Variants in EFNA5 observed in about 807,000 individuals in gnomAD.
EFNA5 encodes ephrin-A5.
Under a neutral mutation model 22.9 loss-of-function variants are expected in EFNA5, and 5 were observed. That is an observed-to-expected ratio of 0.22 (90% CI 0.11 to 0.46). EFNA5 has a LOEUF of 0.46. Among genes scored for constraint, EFNA5 ranks in the 20% least tolerant of loss-of-function variants. The pLI, the probability that EFNA5 is intolerant of heterozygous loss-of-function variation, is 0.99. For missense variants in EFNA5, 237 were observed against 293.3 expected (o/e 0.81, Z 1.40); for synonymous variants, 113 against 112.2 (o/e 1.01, Z -0.04).
chr5:107,453,569 G>C (rs1162044599), intron 1 of EFNA5, among the ~76,000 whole-genome samples: 1 of 152,160 alleles, frequency 6.6e-6, no homozygotes, highest in Admixed American at 6.6e-5. Context: ...CCTATTTATA[G>C]GTAATTGATT....
At chr5:107,654,599 A>G (rs1170293315) in intron 1 of EFNA5, among the ~76,000 whole-genome samples, 1 of 152,142 alleles carries the variant, frequency 6.6e-6, no homozygotes, top group Non-Finnish European at 1.5e-5. Context: ...ATAAGAACAG[A>G]GCCAAATGAT....
chr5:107,637,831 GTTTATT>G (rs1310157440), intron 1 of EFNA5, among the ~76,000 whole-genome samples: 3 of 140,014 alleles, frequency 2.1e-5, no homozygotes, highest in African/African-American at 5.0e-5. Flanking sequence ...TAAGCTAACA[GTTTATT>G]TTTATTTATT....
intron 1 of EFNA5, among the ~76,000 whole-genome samples, chr5:107,429,560 T>C (rs1748894491): frequency 6.6e-6 from 1 of 152,220 alleles, no homozygotes; most frequent in African/African-American, 2.4e-5. Context: ...ACACCATTCA[T>C]TTTGACTAAG....
At chr5:107,559,527 A>G (rs1040586531) in intron 1 of EFNA5, among the ~76,000 whole-genome samples, 2 of 152,200 alleles carry the variant, frequency 1.3e-5, no homozygotes, top group Non-Finnish European at 2.9e-5. Flanking sequence ...TCTCCACAAT[A>G]TAATTCATAA....
At chr5:107,446,649 G>A (rs1175782673) in intron 1 of EFNA5, among the ~76,000 whole-genome samples, 1 of 152,142 alleles carries the variant, frequency 6.6e-6, no homozygotes, top group Non-Finnish European at 1.5e-5. Flanking sequence ...AGCTACTCAG[G>A]AGGCTGAGGC....
intron 1 of EFNA5, among the ~76,000 whole-genome samples, chr5:107,522,690 CTCTT>C (rs1449776430): frequency 6.6e-6 from 1 of 152,142 alleles, no homozygotes; most frequent in Non-Finnish European, 1.5e-5. Flanking sequence ...TATGCCTGGC[CTCTT>C]TCTAATTTTT....
At chr5:107,512,833 C>T (rs1411758199) in intron 1 of EFNA5, among the ~76,000 whole-genome samples, 2 of 152,070 alleles carry the variant, frequency 1.3e-5, no homozygotes, top group African/African-American at 4.8e-5. Context: ...ACCAAGAAAA[C>T]GTAATAAAAA....
chr5:107,467,444 G>T (rs1463448820), intron 1 of EFNA5, among the ~76,000 whole-genome samples: 1 of 152,114 alleles, frequency 6.6e-6, no homozygotes, highest in Non-Finnish European at 1.5e-5. Flanking sequence ...AGGCTTGTTG[G>T]CTTATGACAA....
intron 1 of EFNA5, among the ~76,000 whole-genome samples, chr5:107,623,893 T>C (rs1403125613): frequency 6.6e-6 from 1 of 152,158 alleles, no homozygotes; most frequent in Non-Finnish European, 1.5e-5. Flanking sequence ...GTATTGTTTC[T>C]AAGTCACCTC....
rs869137407 is a variant in EFNA5, at chr5:107,461,492, GA to G, written c.126-33984del. ...TGTCAGACATTAAATATAGAGGGGGGAAAAAAAGACCTTTTCTACAGGTTGT... is the reference window on the plus strand; with the variant it reads ...TGTCAGACATTAAATATAGAGGGGGGAAAAAAGACCTTTTCTACAGGTTGT... On this transcript the variant is annotated intron_variant, in intron 1 of 4. Transcript: ENST00000333274. 2.5e-3 allele frequency among the ~76,000 whole-genome samples: 385 copies of G among 151,942 alleles called. 2 individuals carry two copies. The highest frequency in any genetic ancestry group is 8.4e-3 in the African/African-American group (349 of 41,468).
intron 1 of EFNA5, among the ~76,000 whole-genome samples, chr5:107,654,633 T>A (rs985869557): frequency 9.2e-5 from 14 of 152,212 alleles, no homozygotes; most frequent in African/African-American, 3.4e-4. Flanking sequence ...AAAGAGAAAT[T>A]GAAGAGAATT....
chr5:107,421,652 G>T (rs1441384956), intron 2 of EFNA5, among the ~76,000 whole-genome samples: 1 of 152,120 alleles, frequency 6.6e-6, no homozygotes, highest in African/African-American at 2.4e-5. Context: ...GGGTTCCTAG[G>T]AAGTGTTTAT....
chr5:107,407,601 T>C (rs970502279), intron 2 of EFNA5, among the ~76,000 whole-genome samples: 3 of 152,138 alleles, frequency 2.0e-5, no homozygotes, highest in Non-Finnish European at 2.9e-5. Flanking sequence ...AAAGAAATTG[T>C]CCCCAAAGCT....
chr5:107,569,401 A>ATATATATATATATTTATGTATATGTGTG lies in EFNA5; in HGVS notation c.125+101060_125+101087dup, dbSNP rs1561435747. On this transcript the variant is annotated intron_variant, in intron 1 of 4. Transcript: ENST00000333274. The stretch of plus-strand genomic sequence containing the variant: ...TATATATTTTTATGTATATGTGTGT[A>ATATATATATATATTTATGTATATGTGTG]TATATATATATATTTATGTATATGT... Among the ~76,000 whole-genome samples the ATATATATATATATTTATGTATATGTGTG allele has an allele frequency of 7.1e-4, 92 of 130,164 alleles. 2 individuals carry two copies. Among genetic ancestry groups the ATATATATATATATTTATGTATATGTGTG allele is most frequent in the African/African-American group, 3.0e-3 (86 of 28,606 alleles). The allele number at this position is 130,164 out of a possible 152,430, so 85.4% of individuals were successfully genotyped here. A position where few individuals can be genotyped will look rare whatever the true frequency, so the allele number is the denominator to read the frequency against.
chr5:107,387,226 C>A lies in EFNA5; in HGVS notation c.565+9G>T. ...CATTTGTTAAAAGAGATTCTCTAAG[C>A]ATACTAACCTGCTGGTTCTAATGAA... On this transcript the variant is annotated intron_variant, in intron 4 of 4. Transcript: ENST00000333274. The A allele has an allele frequency of 6.3e-7, 1 of 1,583,878 alleles. No homozygotes were observed. Among genetic ancestry groups the A allele is most frequent in the Non-Finnish European group, 8.6e-7 (1 of 1,159,384 alleles).
chr5:107,565,351 T>C (rs1249074593), intron 1 of EFNA5, among the ~76,000 whole-genome samples: 1 of 152,228 alleles, frequency 6.6e-6, no homozygotes, highest in East Asian at 1.9e-4. Flanking sequence ...TTTATATTAA[T>C]ATTAGGGCTT....
intron 1 of EFNA5, among the ~76,000 whole-genome samples, chr5:107,606,336 G>A (rs1580556609): frequency 6.6e-6 from 1 of 152,080 alleles, no homozygotes; most frequent in Non-Finnish European, 1.5e-5. Context: ...GATTAGAATA[G>A]CATTGGCCTC....
At chr5:107,469,664 T>A (rs1278711995) in intron 1 of EFNA5, among the ~76,000 whole-genome samples, 4 of 152,260 alleles carry the variant, frequency 2.6e-5, no homozygotes, top group Admixed American at 6.5e-5. Context: ...CCTTTATTTT[T>A]TTTTTTTACC....
At chr5:107,593,218 G>A (rs1455016597) in intron 1 of EFNA5, among the ~76,000 whole-genome samples, 1 of 152,126 alleles carries the variant, frequency 6.6e-6, no homozygotes, top group African/African-American at 2.4e-5. Context: ...ACCCTTATGT[G>A]CACTCCTCAT....
Sources: gnomAD v4.1 joint callset for allele counts (sites outside exome capture counted in the v4.1 genomes callset) on GRCh38, gnomAD v4.1.1 for gene constraint, MANE v1.5 for transcripts, NCBI Gene and HGNC (gene_info 2026-07-23, HGNC 2026-07-21) for gene names.